Variants in ABCC3 observed in about 807,000 individuals in gnomAD.
The protein encoded by ABCC3 is ATP-binding cassette sub-family C member 3.
Under a neutral mutation model 165.3 loss-of-function variants are expected in ABCC3, and 121 were observed. That is an observed-to-expected ratio of 0.73 (90% CI 0.63 to 0.85). The LOEUF is 0.85. Ranked by LOEUF, ABCC3 falls within the 40% of genes least tolerant of loss-of-function variation. The pLI, the probability that ABCC3 is intolerant of heterozygous loss-of-function variation, is 0.00. For missense variants in ABCC3, 1,869 were observed against 1,964.1 expected, an observed-to-expected ratio of 0.95 and a Z score of 0.92; for synonymous variants, 733 against 810.1, an observed-to-expected ratio of 0.90 and a Z score of 1.62.
At chr17:50,664,170 A>T (rs764556182) in intron 10 of ABCC3, 59 bp downstream of exon 10, 5 of 1,599,128 alleles carry the variant, frequency 3.1e-6, no homozygotes, top group South Asian at 2.2e-5. Context: ...AAGTGGCAAG[A>T]GAGGATTATT....
intron 1 of ABCC3, among the ~76,000 whole-genome samples, chr17:50,636,125 G>C (rs1242635729): frequency 2.6e-5 from 4 of 152,082 alleles, no homozygotes; most frequent in African/African-American, 9.7e-5. Context: ...GCTTCTCTGT[G>C]GTCATTAAAG....
rs760201402 is a variant in ABCC3 at position 50,684,728 on chromosome 17, G to C, written c.4133G>C (p.Gly1378Ala). 1 of 1,613,824 alleles carries C rather than the reference G, an allele frequency of 6.2e-7. No homozygotes were observed. Among genetic ancestry groups the C allele is most frequent in the African/African-American group, 1.3e-5 (1 of 74,854 alleles). The stretch of plus-strand genomic sequence containing the variant: ...CCCCAGGACCCCATCCTGTTCTCGG[G>C]GACCCTGCGCATGAACCTGGACCCC... ...IIPQDPILFS[G>A]TLRMNLDPFG... Residue 1378 changes from glycine to alanine, a missense_variant, in exon 29 of 31, where the codon GGG (glycine) becomes GCG (alanine). Physicochemically the swap from Gly to Ala is moderately conservative, Grantham distance 60. Coordinates refer to ENST00000285238, the MANE Select transcript of ABCC3 (RefSeq NM_003786.4).
At position 50,684,744 on chromosome 17, in the gene ABCC3, C is replaced by A; in HGVS notation, c.4149C>A (p.Asn1383Lys). Reference sequence around the variant, plus strand: ...TGTTCTCGGGGACCCTGCGCATGAACCTGGACCCCTTCGGCAGCTACTCAG... The same window carrying A: ...TGTTCTCGGGGACCCTGCGCATGAAACTGGACCCCTTCGGCAGCTACTCAG... ...PILFSGTLRM[N>K]LDPFGSYSEE... The change falls in exon 29 of 31, where the codon AAC (asparagine) becomes AAA (lysine). Residue 1383 changes from asparagine (N) to lysine (K), a missense_variant. Physicochemically the swap from Asn to Lys is moderately conservative, Grantham distance 94. Transcript: ENST00000285238. The A allele has an allele frequency of 6.2e-7, 1 of 1,614,152 alleles. No individual in the cohort carries two copies.
At chr17:50,686,099 C>A (rs1438915619) in intron 29 of ABCC3, among the ~76,000 whole-genome samples, 1 of 152,236 alleles carries the variant, frequency 6.6e-6, no homozygotes, top group African/African-American at 2.4e-5. Context: ...GAAGCCAAGG[C>A]AGGAGAATCG....
chr17:50,675,960 G>A lies in ABCC3; in HGVS notation c.2937G>A (p.Val979=), dbSNP rs1306460416. Residue 979 remains valine, a synonymous_variant, in exon 22 of 31, where the codon GTG becomes GTA. Coordinates refer to ENST00000285238, the MANE Select transcript of ABCC3 (RefSeq NM_003786.4). ...CGCTGGCCATCTGTCTCCTGTATGTGGGTCAAAGTGCGGCTGCCATTGGAG... is the reference window on the plus strand; with the variant it reads ...CGCTGGCCATCTGTCTCCTGTATGTAGGTCAAAGTGCGGCTGCCATTGGAG... The part of the protein sequence containing the change: ...CTTLAICLLY[V]GQSAAAIGAN... 17 of 1,614,200 alleles carry A rather than the reference G, an allele frequency of 1.1e-5. No homozygotes were observed. The highest frequency in any genetic ancestry group is 3.3e-5 in the South Asian group (3 of 91,086).
rs1597847353 is a variant in ABCC3, at chr17:50,657,192, G to A, written c.486+9G>A. 1.9e-6 allele frequency: 3 copies of A among 1,612,864 alleles called. No homozygotes were observed. The highest frequency in any genetic ancestry group is 2.5e-6 in the Non-Finnish European group (3 of 1,179,348). ...TTTTAGCCAAGGCAGAGGTAAGGTT[G>A]GGGGAGAGGGGAACCTGCCAGGTTT... On this transcript the variant is annotated intron_variant, in intron 4 of 30. Transcript: ENST00000285238.
At chr17:50,659,746 A>G (rs8076674) in intron 7 of ABCC3, among the ~76,000 whole-genome samples, 56,975 of 152,044 alleles carry the variant, frequency 0.37, 11,134 homozygotes, top group South Asian at 0.55. Flanking sequence ...ACACTTTGAG[A>G]TGCCAAGGCA....
chr17:50,683,041 A>C (rs1396854224), intron 26 of ABCC3, among the ~76,000 whole-genome samples: 1 of 152,102 alleles, frequency 6.6e-6, no homozygotes, highest in Non-Finnish European at 1.5e-5. Flanking sequence ...CAGTCTCTTC[A>C]GAGTTTTTCT....
chr17:50,658,304 GA>G, intron 5 of ABCC3, 97 bp downstream of exon 5: 1 of 1,595,598 alleles, frequency 6.3e-7, no homozygotes, highest in Non-Finnish European at 8.6e-7. Flanking sequence ...TTCAAAGTGG[GA>G]GAGAGGTCAT....
At chr17:50,647,873 T>C (rs1009125315) in intron 1 of ABCC3, among the ~76,000 whole-genome samples, 1 of 152,082 alleles carries the variant, frequency 6.6e-6, no homozygotes, top group African/African-American at 2.4e-5. Context: ...ACCCCGTCTG[T>C]ACTAAAAATA....
chr17:50,673,904 C>CTT (rs1555595320), intron 19 of ABCC3, among the ~76,000 whole-genome samples: 5 of 9,650 alleles, frequency 5.2e-4, no homozygotes, highest in East Asian at 2.5e-3. Context: ...AGCCTGTTTT[C>CTT]TTTCTTTCTT....
intron 19 of ABCC3, among the ~76,000 whole-genome samples, chr17:50,673,984 CT>C (rs1967730634): frequency 4.3e-4 from 5 of 11,546 alleles, no homozygotes; most frequent in East Asian, 1.9e-3. Flanking sequence ...TTCTTTCTCT[CT>C]CTCTCTCTCT....
Position 50,673,542 on chromosome 17 carries a change from A to G in ABCC3, c.2483A>G (p.Gln828Arg). 1 of 1,614,174 alleles carries G rather than the reference A, an allele frequency of 6.2e-7. No homozygotes were observed. Among genetic ancestry groups the G allele is most frequent in the Non-Finnish European group, 8.5e-7 (1 of 1,180,036 alleles). ...TTCATCATTGTGCTAGCTGATGGACAGGTGTCTGAGATGGGCCCGTACCCA... is the reference window on the plus strand; with the variant it reads ...TTCATCATTGTGCTAGCTGATGGACGGGTGTCTGAGATGGGCCCGTACCCA... ...TDFIIVLADG[Q>R]VSEMGPYPAL... is the part of the protein sequence containing the mutation. Residue 828 changes from glutamine (Q) to arginine (R), a missense_variant, in exon 19 of 31, where the codon CAG becomes CGG. Gln to Arg is a conservative substitution (Grantham distance 43, BLOSUM62 1). Transcript: ENST00000285238.
Position 50,655,866 on chromosome 17 carries a change from A to G in ABCC3, c.80A>G (p.Asp27Gly), listed in dbSNP as rs763434974. The stretch of plus-strand genomic sequence containing the variant: ...CTGTCTGTGCACACAGAAAACCCGG[A>G]CCTCACTCCCTGCTTCCAGAACTCC... ...SNLSVHTENP[D>G]LTPCFQNSLL... Residue 27 changes from aspartate to glycine, a missense_variant, in exon 2 of 31, where the codon GAC becomes GGC. Asp to Gly is a moderately conservative substitution (Grantham distance 94). Coordinates refer to ENST00000285238, the MANE Select transcript of ABCC3 (RefSeq NM_003786.4). 1.7e-5 allele frequency: 27 copies of G among 1,613,522 alleles called. No homozygotes were observed. Among genetic ancestry groups the G allele is most frequent in the Non-Finnish European group, 2.2e-5 (26 of 1,179,902 alleles).
At chr17:50,654,986 G>C (rs1967194265) in intron 1 of ABCC3, among the ~76,000 whole-genome samples, 1 of 149,514 alleles carries the variant, frequency 6.7e-6, no homozygotes, top group Non-Finnish European at 1.5e-5. Context: ...TGTAGTCCCA[G>C]CTACTCCAGA....
At position 50,655,871 on chromosome 17, in the gene ABCC3, A is replaced by C; in HGVS notation, c.85A>C (p.Thr29Pro). Reference sequence around the variant, plus strand: ...TGTGCACACAGAAAACCCGGACCTCACTCCCTGCTTCCAGAACTCCCTGCT... The same window carrying C: ...TGTGCACACAGAAAACCCGGACCTCCCTCCCTGCTTCCAGAACTCCCTGCT... ...LSVHTENPDLTPCFQNSLLAW... is the reference protein window; with the variant it reads ...LSVHTENPDLPPCFQNSLLAW... Residue 29 changes from threonine to proline, a missense_variant, in exon 2 of 31, where the codon ACT becomes CCT. Transcript: ENST00000285238. 6.2e-7 allele frequency: 1 copy of C among 1,612,882 alleles called. No homozygotes were observed. Among genetic ancestry groups the C allele is most frequent in the Non-Finnish European group, 8.5e-7 (1 of 1,179,720 alleles).
At chr17:50,688,129 C>T (rs576107792) in intron 30 of ABCC3, among the ~76,000 whole-genome samples, 149 of 152,112 alleles carry the variant, frequency 9.8e-4, no homozygotes, top group Admixed American at 2.7e-3. Context: ...AGGCTGGTCT[C>T]GAACTCCTGA....
Position 50,654,937 on chromosome 17 carries a change from C to CAA in ABCC3, c.46-883_46-882dup, listed in dbSNP as rs67429689. ...TGAAACTCCATCTCTATTAAAAATA[C>CAA]AAAAAAAAAAAAATTAGCCGGGCGT... On this transcript the variant is annotated intron_variant, in intron 1 of 30. Transcript: ENST00000285238. 1.2e-3 allele frequency among the ~76,000 whole-genome samples: 164 copies of CAA among 134,216 alleles called. 1 individual carries two copies. Among genetic ancestry groups the CAA allele is most frequent in the South Asian group, 5.1e-3 (21 of 4,124 alleles). The allele number at this position is 134,216 out of a possible 152,430, so 88.1% of individuals were successfully genotyped here.
At position 50,687,744 on chromosome 17, in the gene ABCC3, A is replaced by G. The variant is rs1268985345; in HGVS notation, c.4475+14A>G. On this transcript the variant is annotated intron_variant, in intron 30 of 30. Coordinates refer to ENST00000285238, the MANE Select transcript of ABCC3 (RefSeq NM_003786.4). Reference sequence around the variant, plus strand: ...GGACTACACCAGGTGGGACACGGAAACCTGAGCAATGGGGAACCTGGTGGG... The same window carrying G: ...GGACTACACCAGGTGGGACACGGAAGCCTGAGCAATGGGGAACCTGGTGGG... 6.2e-7 allele frequency: 1 copy of G among 1,608,758 alleles called. No individual in the cohort carries two copies. The highest frequency in any genetic ancestry group is 8.5e-7 in the Non-Finnish European group (1 of 1,175,536).
Sources: allele counts gnomAD v4.1 joint callset (sites outside exome capture counted in the v4.1 genomes callset), GRCh38; gene constraint gnomAD v4.1.1; transcripts MANE v1.5; gene names NCBI Gene and HGNC (gene_info 2026-07-23, HGNC 2026-07-21).